ZMAT4: variants seen among roughly 807,000 people sequenced by gnomAD.
ZMAT4 encodes the protein zinc finger matrin-type protein 4.
A neutral mutation model predicts 28.7 loss-of-function variants in ZMAT4; 17 were observed. The observed-to-expected ratio is 0.59, with a 90% CI of 0.41 to 0.89. The LOEUF is 0.89. Among genes scored for constraint, ZMAT4 ranks in the 40% least tolerant of loss-of-function variants. The pLI, the probability that ZMAT4 is intolerant of heterozygous loss-of-function variation, is 0.00. For synonymous variants in ZMAT4, 117 were observed against 109.2 expected, an observed-to-expected ratio of 1.07 and a Z score of -0.44; for missense variants, 240 against 283.8, an observed-to-expected ratio of 0.85 and a Z score of 1.11.
rs75525070 is a variant in ZMAT4, at chr8:40,761,543, T to C, written c.192+6098A>G. On this transcript the variant is annotated intron_variant, in intron 3 of 6. Coordinates refer to ENST00000297737, the MANE Select transcript of ZMAT4 (RefSeq NM_024645.3). ...CATCAAAAAATCACTTCTCTGATCA[T>C]CAACTTCATTAGAGGCAGGGCCACA... Among the ~76,000 whole-genome samples, 1,072 of 152,336 alleles carry C rather than the reference T, an allele frequency of 7.0e-3. 7 individuals are homozygous for C. The highest frequency in any genetic ancestry group is 0.012 in the Non-Finnish European group (809 of 68,030).
intron 5 of ZMAT4, among the ~76,000 whole-genome samples, chr8:40,615,118 C>T (rs1393318524): frequency 1.3e-5 from 2 of 152,182 alleles, no homozygotes; most frequent in Admixed American, 6.5e-5. Context: ...TAGGGCAGGC[C>T]TGGTGGTGAC....
chr8:40,730,598 G>A, intron 3 of ZMAT4, among the ~76,000 whole-genome samples: 1 of 152,124 alleles, frequency 6.6e-6, no homozygotes. Flanking sequence ...CCCAACCCAT[G>A]TTGCCCCAAA....
chr8:40,781,787 A>AAAAAAAAAAAG (rs1813845553), intron 2 of ZMAT4, among the ~76,000 whole-genome samples: 1 of 143,798 alleles, frequency 7.0e-6, no homozygotes, highest in Non-Finnish European at 1.5e-5. Flanking sequence ...AAAAAAAAAA[A>AAAAAAAAAAAG]AAAAGAAAAG....
chr8:40,808,567 C>T (rs770810321), intron 2 of ZMAT4: 14 of 453,080 alleles, frequency 3.1e-5, no homozygotes, highest in Non-Finnish European at 5.8e-5. Flanking sequence ...AGGAACTGCA[C>T]CACACTGCAA....
rs541122873 is a variant in ZMAT4 at position 40,619,292 on chromosome 8, T to C, written c.578-38031A>G. ...GCTCCAACAGGATCAGCCTCTTTTA[T>C]GCCCATTCCAACTCTCTGCAGTCTG... On this transcript the variant is annotated intron_variant, in intron 5 of 6. Transcript: ENST00000297737. 5.2e-4 allele frequency among the ~76,000 whole-genome samples: 79 copies of C among 152,324 alleles called. 1 individual carries two copies. Among genetic ancestry groups the C allele is most frequent in the African/African-American group, 1.8e-3 (73 of 41,568 alleles).
chr8:40,537,570 G>A (rs1172457619), intron 6 of ZMAT4, among the ~76,000 whole-genome samples: 1 of 152,146 alleles, frequency 6.6e-6, no homozygotes, highest in African/African-American at 2.4e-5. Context: ...TGCTTATATA[G>A]AATTTGCATT....
chr8:40,569,069 T>A (rs184339688), intron 6 of ZMAT4, among the ~76,000 whole-genome samples: 1 of 152,332 alleles, frequency 6.6e-6, no homozygotes, highest in East Asian at 1.9e-4. Context: ...ATTTTGATTA[T>A]GGGATTAAAT....
At chr8:40,582,500 G>A (rs1160744789) in intron 5 of ZMAT4, among the ~76,000 whole-genome samples, 1 of 151,894 alleles carries the variant, frequency 6.6e-6, no homozygotes, top group Non-Finnish European at 1.5e-5. Context: ...AAAAAAAAAA[G>A]TGACATATAT....
chr8:40,664,482 C>T (rs1258516557), intron 5 of ZMAT4, among the ~76,000 whole-genome samples: 2 of 152,188 alleles, frequency 1.3e-5, no homozygotes, highest in African/African-American at 4.8e-5. Context: ...GCTTCCAATA[C>T]CCCATTATCA....
At chr8:40,703,013 C>CTATA (rs142988150) in intron 3 of ZMAT4, among the ~76,000 whole-genome samples, 4 of 146,784 alleles carry the variant, frequency 2.7e-5, no homozygotes, top group African/African-American at 5.0e-5. Flanking sequence ...AAGAAATTTA[C>CTATA]TATATATATA....
rs1651634812 is a variant in ZMAT4 at position 40,881,446 on chromosome 8, A to AGAAAGAAG, written c.-5+16236_-5+16237insCTTCTTTC. Among the ~76,000 whole-genome samples, 2 of 114,982 alleles carry AGAAAGAAG rather than the reference A, an allele frequency of 1.7e-5. 1 individual carries two copies. Among genetic ancestry groups the AGAAAGAAG allele is most frequent in the Admixed American group, 1.7e-4 (2 of 11,554 alleles). The allele number at this position is 114,982 out of a possible 152,430, so 75.4% of individuals were successfully genotyped here. On this transcript the variant is annotated intron_variant, in intron 1 of 6. Transcript: ENST00000297737. ...AAAGAAGAAAGAGAGAAAGAAAGAA[A>AGAAAGAAG]GAAAGAAAGAAAGAAAGAAAGAAAG...
chr8:40,715,701 C>A (rs910453410), intron 3 of ZMAT4, among the ~76,000 whole-genome samples: 2 of 152,136 alleles, frequency 1.3e-5, no homozygotes, highest in East Asian at 1.9e-4. Context: ...GATCTCCTTT[C>A]GCTCTTTGGA....
chr8:40,700,659 AG>A (rs1402621525), intron 3 of ZMAT4, among the ~76,000 whole-genome samples: 1 of 151,992 alleles, frequency 6.6e-6, no homozygotes, highest in East Asian at 1.9e-4. Context: ...CCTAGGCTCA[AG>A]CAATGCTCTT....
At chr8:40,760,706 G>GTCTCTCTCTCTCTCTCTC (rs56024719) in intron 3 of ZMAT4, among the ~76,000 whole-genome samples, 1 of 142,402 alleles carries the variant, frequency 7.0e-6, no homozygotes, top group African/African-American at 2.6e-5. Flanking sequence ...CTCTGTCACA[G>GTCTCTCTCTCTCTCTCTC]TCTCTCTCTC....
chr8:40,739,607 A>T (rs1811916942), intron 3 of ZMAT4, among the ~76,000 whole-genome samples: 1 of 151,640 alleles, frequency 6.6e-6, no homozygotes, highest in Non-Finnish European at 1.5e-5. Context: ...GCCCACTTAA[A>T]CTCTTTACCT....
chr8:40,749,377 A>T (rs1378021329), intron 3 of ZMAT4, among the ~76,000 whole-genome samples: 1 of 152,194 alleles, frequency 6.6e-6, no homozygotes, highest in East Asian at 1.9e-4. Context: ...ACTAAACCTA[A>T]TAAAAATTAA....
intron 4 of ZMAT4, among the ~76,000 whole-genome samples, chr8:40,695,245 A>G (rs1490356203): frequency 6.6e-6 from 1 of 152,160 alleles, no homozygotes; most frequent in African/African-American, 2.4e-5. Context: ...TGCTCCCTCT[A>G]GTAGGAGGCC....
chr8:40,558,845 C>T (rs1480625553), intron 6 of ZMAT4, among the ~76,000 whole-genome samples: 2 of 152,004 alleles, frequency 1.3e-5, no homozygotes, highest in Non-Finnish European at 2.9e-5. Context: ...GGCCCACGCC[C>T]TTTTGTGTTT....
chr8:40,634,793 T>G (rs927516782), intron 5 of ZMAT4, among the ~76,000 whole-genome samples: 2 of 152,170 alleles, frequency 1.3e-5, no homozygotes, highest in African/African-American at 4.8e-5. Context: ...AACTCGCTTG[T>G]GTATAAAAGC....
Sources: gnomAD v4.1 joint callset for allele counts (sites outside exome capture counted in the v4.1 genomes callset) on GRCh38, gnomAD v4.1.1 for gene constraint, MANE v1.5 for transcripts, NCBI Gene and HGNC (gene_info 2026-07-23, HGNC 2026-07-21) for gene names.